The following POLR2G variants were observed in gnomAD, a reference collection of about 807,000 sequenced individuals.
POLR2G encodes DNA-directed RNA polymerase II subunit RPB7.
In POLR2G, 19 loss-of-function variants were observed where a neutral mutation model predicts 25.7. The ratio of observed to expected loss-of-function variants is 0.74; its 90% CI spans 0.52 to 1.08. The LOEUF is 1.08. Among genes scored for constraint, POLR2G ranks in the 50% least tolerant of loss-of-function variants. POLR2G has a pLI of 0.00. For synonymous variants in POLR2G, 79 were observed against 76.0 expected, an observed-to-expected ratio of 1.04 and a Z score of -0.21; for missense variants, 123 against 218.5, an observed-to-expected ratio of 0.56 and a Z score of 2.76.
chr11:62,762,816 T>C lies in POLR2G; in HGVS notation c.123-51T>C. On this transcript the variant is annotated intron_variant, in intron 2 of 7. Coordinates refer to ENST00000301788, the MANE Select transcript of POLR2G (RefSeq NM_002696.3). ...TCAGCGACTTTTATTGCAGATGTCT[T>C]TAGAGGCTCTTGGACACACAGTGTC... 2.0e-6 allele frequency: 3 copies of C among 1,484,624 alleles called. No homozygotes were observed. The South Asian group carries it at 3.8e-5, about 19-fold the overall frequency. 92.0% of individuals were successfully genotyped at this position (1,484,624 alleles called of 1,614,324 possible).
chr11:62,764,871 T>A (rs2084106989), intron 3 of POLR2G, among the ~76,000 whole-genome samples: 1 of 152,098 alleles, frequency 6.6e-6, no homozygotes, highest in South Asian at 2.1e-4. Flanking sequence ...TTTTGTTTTT[T>A]TTTTTTGAGA....
intron 5 of POLR2G, 95 bp downstream of exon 5, chr11:62,765,500 C>G: frequency 4.3e-6 from 5 of 1,151,246 alleles, no homozygotes; most frequent in Non-Finnish European, 6.6e-6. Flanking sequence ...AGATGGTCCC[C>G]GAATTACCAT....
chr11:62,761,729 G>T, intron 1 of POLR2G, 66 bp from the exon 2 acceptor site: 1 of 1,607,338 alleles, frequency 6.2e-7, no homozygotes, highest in Non-Finnish European at 8.5e-7. Context: ...GCCGGCGCGA[G>T]ACTCCCCTTG....
intron 7 of POLR2G, 52 bp downstream of exon 7, chr11:62,766,328 G>T: frequency 7.7e-6 from 12 of 1,566,766 alleles, no homozygotes; most frequent in Non-Finnish European, 1.1e-5. Flanking sequence ...AGGGATGTGT[G>T]GGGGTGGGGA....
chr11:62,765,789 CTTTTT>C (rs371069682), intron 6 of POLR2G, 65 bp downstream of exon 6: 47 of 730,438 alleles, frequency 6.4e-5, no homozygotes, highest in Non-Finnish European at 7.9e-5. Flanking sequence ...TTTCTTTTTT[CTTTTT>C]TTTTTTTTTT....
At chr11:62,765,069 G>A (rs2084108442) in intron 3 of POLR2G, 113 bp from the exon 4 acceptor site, 3 of 840,360 alleles carry the variant, frequency 3.6e-6, no homozygotes, top group Non-Finnish European at 6.0e-6. Context: ...ATGTTGGTCA[G>A]GCTGGTCTGA....
chr11:62,766,472 T>TA (rs41553312), intron 7 of POLR2G, 22 bp from the exon 8 acceptor site: 340 of 1,613,788 alleles, frequency 2.1e-4, no homozygotes, highest in Non-Finnish European at 2.8e-4. Context: ...TTCTAACTGA[T>TA]ATGCTTTTTC....
chr11:62,762,596 C>A, intron 2 of POLR2G: 1 of 549,960 alleles, frequency 1.8e-6, no homozygotes, highest in Non-Finnish European at 3.5e-6. Flanking sequence ...AGATGATTCT[C>A]AGGCATCCCG....
intron 3 of POLR2G, among the ~76,000 whole-genome samples, chr11:62,763,964 AC>A (rs963052589): frequency 1.4e-5 from 2 of 147,728 alleles, no homozygotes; most frequent in African/African-American, 5.0e-5. Flanking sequence ...CTGGTCTCGA[AC>A]TCCCGACCTC....
At chr11:62,763,130 T>A in intron 3 of POLR2G, 104 bp downstream of exon 3, 2 of 142,542 alleles carry the variant, frequency 1.4e-5, no homozygotes, top group Non-Finnish European at 2.7e-5. Context: ...GTCACTTCAC[T>A]TTTTTTTTTT....
At chr11:62,766,161 G>A (rs371227572) in intron 6 of POLR2G, 82 bp from the exon 7 acceptor site, 229 of 1,152,876 alleles carry the variant, frequency 2.0e-4, no homozygotes, top group Non-Finnish European at 2.8e-4. Context: ...GGGATGGATG[G>A]GCAGAAGGCC....
At chr11:62,765,285 C>G (rs372498909) in intron 4 of POLR2G, 53 bp downstream of exon 4, 28 of 1,601,164 alleles carry the variant, frequency 1.7e-5, no homozygotes, top group Non-Finnish European at 2.1e-5. Context: ...TCATTCATCA[C>G]CATCTATTGA....
rs1298818994 is a variant in POLR2G at position 62,766,259 on chromosome 11, T to A, written c.488T>A (p.Leu163Gln). The part of the protein sequence containing the change: ...DKNDIFAIGS[L>Q]MDDYLGLVS ...TTCTTGCAGTTTGCTATTGGCTCCC[T>A]GATGGACGATTACTTGGGTGAGTGC... Residue 163 changes from leucine to glutamine, a missense_variant, in exon 7 of 8, where the codon CTG becomes CAG. Physicochemically the swap from Leu to Gln is moderately radical, Grantham distance 113. Coordinates refer to ENST00000301788, the MANE Select transcript of POLR2G (RefSeq NM_002696.3). 6.2e-7 allele frequency: 1 copy of A among 1,613,900 alleles called. No individual in the cohort carries two copies. Among genetic ancestry groups the A allele is most frequent in the Non-Finnish European group, 8.5e-7 (1 of 1,179,832 alleles).
intron 2 of POLR2G, 121 bp from the exon 3 acceptor site, chr11:62,762,746 C>T: frequency 1.4e-6 from 1 of 712,158 alleles, no homozygotes; most frequent in South Asian, 1.7e-5. Context: ...AGCAGAGGTG[C>T]TATCTACTTG....
chr11:62,765,530 T>C, intron 5 of POLR2G, 123 bp from the exon 6 acceptor site: 1 of 1,101,640 alleles, frequency 9.1e-7, no homozygotes, highest in Non-Finnish European at 1.4e-6. Context: ...CATGATTTTA[T>C]GACTTTACGA....
chr11:62,763,286 C>T (rs971649050), intron 3 of POLR2G, among the ~76,000 whole-genome samples: 3 of 151,032 alleles, frequency 2.0e-5, no homozygotes, highest in Admixed American at 1.3e-4. Context: ...CACGTGCCAC[C>T]ATGGCCGGCT....
chr11:62,761,933 A>C lies in POLR2G; in HGVS notation c.122+29A>C, dbSNP rs768723562. 3 of 1,489,270 alleles carry C rather than the reference A, an allele frequency of 2.0e-6. No homozygotes were observed. The South Asian group carries it at 3.4e-5, about 17-fold the overall frequency. The allele number at this position is 1,489,270 out of a possible 1,614,324, so 92.3% of individuals were successfully genotyped here. A position where few individuals can be genotyped will look rare whatever the true frequency, so the allele number is the denominator to read the frequency against. The stretch of plus-strand genomic sequence containing the variant: ...AGTGTCGAGCTCACCGCACCGCCAG[A>C]TCGTTCGATGCGCACACGGGGCGCT... On this transcript the variant is annotated intron_variant, in intron 2 of 7. Transcript: ENST00000301788.
intron 2 of POLR2G, chr11:62,762,345 G>T: frequency 3.8e-6 from 1 of 266,272 alleles, no homozygotes. Context: ...CTGAATGAAT[G>T]ACCAGAAAAA....
intron 3 of POLR2G, 35 bp from the exon 4 acceptor site, chr11:62,765,147 G>A (rs763189015): frequency 3.1e-6 from 5 of 1,603,916 alleles, no homozygotes; most frequent in Non-Finnish European, 4.3e-6. Flanking sequence ...GTGAGCCACC[G>A]TGCACGGCCG....
Sources: allele counts gnomAD v4.1 joint callset (sites outside exome capture counted in the v4.1 genomes callset), GRCh38; gene constraint gnomAD v4.1.1; transcripts MANE v1.5; gene names NCBI Gene and HGNC (gene_info 2026-07-23, HGNC 2026-07-21).